Variants in PBK observed in about 807,000 individuals in gnomAD.
The protein encoded by PBK is lymphokine-activated killer T-cell-originated protein kinase.
In PBK, 22 loss-of-function variants were observed where a neutral mutation model predicts 33.5. That is an observed-to-expected ratio of 0.66 (90% CI 0.47 to 0.94). PBK has a LOEUF of 0.94. Ranked by LOEUF, PBK falls within the 40% of genes least tolerant of loss-of-function variation. The probability of loss-of-function intolerance (pLI) is 0.00; values close to 1 mark genes in which losing one functional copy is unlikely to be tolerated. For synonymous variants in PBK, 129 were observed against 123.8 expected (o/e 1.04, Z -0.28); for missense variants, 376 against 383.4 (o/e 0.98, Z 0.16).
At chr8:27,833,717 A>C (rs1047277320) in intron 1 of PBK, among the ~76,000 whole-genome samples, 2 of 151,852 alleles carry the variant, frequency 1.3e-5, no homozygotes, top group African/African-American at 4.8e-5. Context: ...TTAGCTAAAA[A>C]AAAAATCACC....
At chr8:27,810,621 C>G in intron 7 of PBK, 120 bp from the exon 8 acceptor site, 1 of 629,774 alleles carries the variant, frequency 1.6e-6, no homozygotes, top group Non-Finnish European at 2.8e-6. Context: ...CATTCTGCCA[C>G]AGACAGAATG....
At chr8:27,814,991 G>T (rs1016131606) in intron 6 of PBK, among the ~76,000 whole-genome samples, 5 of 152,144 alleles carry the variant, frequency 3.3e-5, no homozygotes, top group African/African-American at 9.7e-5. Flanking sequence ...AAAATTTTCA[G>T]TATTTGATTA....
intron 2 of PBK, among the ~76,000 whole-genome samples, chr8:27,828,565 A>G (rs1024996160): frequency 3.3e-5 from 5 of 151,996 alleles, no homozygotes; most frequent in African/African-American, 1.2e-4. Flanking sequence ...AGTAGAGACC[A>G]GCTTGGGCAA....
chr8:27,835,791 C>T (rs1806216622), intron 1 of PBK, among the ~76,000 whole-genome samples: 1 of 152,204 alleles, frequency 6.6e-6, no homozygotes, highest in African/African-American at 2.4e-5. Context: ...TTAGGTGATC[C>T]ACCCGCCTTG....
Position 27,811,058 on chromosome 8 carries a change from A to G in PBK, c.672T>C (p.Ile224=). 6.2e-7 allele frequency: 1 copy of G among 1,612,922 alleles called. No individual in the cohort carries two copies. The highest frequency in any genetic ancestry group is 8.5e-7 in the Non-Finnish European group (1 of 1,178,856). The stretch of plus-strand genomic sequence containing the variant: ...AGGCAAATATGTCTGCCTTGTCAGT[A>G]ATAACACCATTCTCCTCCACAGCTT... ...PKEAVEENGV[I]TDKADIFAFG... The change falls in exon 7 of 8, where the codon ATT becomes ATC. Residue 224 remains isoleucine, a synonymous_variant. Coordinates refer to ENST00000301905, the MANE Select transcript of PBK (RefSeq NM_018492.4).
intron 2 of PBK, among the ~76,000 whole-genome samples, chr8:27,830,439 A>C (rs1193792491): frequency 4.6e-5 from 7 of 152,186 alleles, no homozygotes; most frequent in Admixed American, 2.0e-4. Context: ...AAATGAAGCA[A>C]AGAGAGAAAA....
intron 3 of PBK, 93 bp downstream of exon 3, chr8:27,828,012 T>C (rs1806058489): frequency 4.5e-6 from 3 of 671,996 alleles, no homozygotes; most frequent in Non-Finnish European, 5.4e-6. Context: ...CAACCGAATC[T>C]AAATACTGGA....
chr8:27,821,323 C>T (rs956632518), intron 5 of PBK, among the ~76,000 whole-genome samples: 22 of 152,122 alleles, frequency 1.4e-4, no homozygotes, highest in Admixed American at 7.9e-4. Flanking sequence ...AGTGCAGTGG[C>T]GCGATCTTGG....
intron 6 of PBK, among the ~76,000 whole-genome samples, chr8:27,815,820 A>G (rs1805799416): frequency 6.6e-6 from 1 of 152,218 alleles, no homozygotes; most frequent in Non-Finnish European, 1.5e-5. Flanking sequence ...ATAGTATTTA[A>G]ACATAATGGA....
chr8:27,812,769 G>T lies in PBK; in HGVS notation c.596-1635C>A, dbSNP rs201311735. On this transcript the variant is annotated intron_variant, in intron 6 of 7. Transcript: ENST00000301905. ...GAAATGCAAATCAAAACCACAATGAGATACCATCTCATGCCAGTTAGAATG... is the reference window on the plus strand; with the variant it reads ...GAAATGCAAATCAAAACCACAATGATATACCATCTCATGCCAGTTAGAATG... 9 of 152,248 alleles carry T rather than the reference G, an allele frequency of 5.9e-5. No homozygotes were observed. In the East Asian group the frequency reaches 1.7e-3, roughly 29 times the overall value. 9.4% of individuals were successfully genotyped at this position (152,248 alleles called of 1,614,324 possible).
At chr8:27,811,875 G>T (rs4732759) in intron 6 of PBK, 2 of 151,932 alleles carry the variant, frequency 1.3e-5, no homozygotes, top group African/African-American at 4.8e-5. Flanking sequence ...TATTTATTCC[G>T]AAATATTTTG....
At position 27,823,079 on chromosome 8, in the gene PBK, A is replaced by T; in HGVS notation, c.279T>A (p.His93Gln). Residue 93 changes from histidine to glutamine, a missense_variant, in exon 4 of 8, where the codon CAT becomes CAA. By Grantham distance (24) the His-to-Gln change is conservative. Transcript: ENST00000301905. ...TAAACGTACCAACAATGTTTGGATG[A>T]TGAAGGCTTTTCAAAATCTTAGCTT... The part of the protein sequence containing the change: ...MDEAKILKSL[H>Q]HPNIVGYRAF... 2 of 1,595,682 alleles carry T rather than the reference A, an allele frequency of 1.3e-6. No individual in the cohort carries two copies. The highest frequency in any genetic ancestry group is 1.7e-6 in the Non-Finnish European group (2 of 1,166,956).
intron 1 of PBK, among the ~76,000 whole-genome samples, chr8:27,837,414 G>A (rs990746195): frequency 6.6e-6 from 1 of 152,166 alleles, no homozygotes; most frequent in Non-Finnish European, 1.5e-5. Flanking sequence ...AACTCCAAGG[G>A]GAAGCAAAGA....
At chr8:27,812,835 G>T (rs1805720097) in intron 6 of PBK, among the ~76,000 whole-genome samples, 1 of 152,144 alleles carries the variant, frequency 6.6e-6, no homozygotes, top group African/African-American at 2.4e-5. Flanking sequence ...TGCTGGAGAG[G>T]ATGTGGAGAA....
chr8:27,812,795 G>GCAAT (rs1175775970), intron 6 of PBK, among the ~76,000 whole-genome samples: 1 of 152,134 alleles, frequency 6.6e-6, no homozygotes, highest in Non-Finnish European at 1.5e-5. Flanking sequence ...AGTTAGAATG[G>GCAAT]CAATCATTAA....
At chr8:27,834,232 T>C (rs113315478) in intron 1 of PBK, among the ~76,000 whole-genome samples, 2,679 of 152,218 alleles carry the variant, frequency 0.018, 64 homozygotes, top group African/African-American at 0.054. Context: ...TTCACCATAT[T>C]GGCCAGGCTG....
chr8:27,829,026 G>C (rs1806079383), intron 2 of PBK, among the ~76,000 whole-genome samples: 1 of 152,124 alleles, frequency 6.6e-6, no homozygotes, highest in African/African-American at 2.4e-5. Flanking sequence ...ACATAATCCA[G>C]AAGTCCTGTC....
rs1361241029 is a variant in PBK, at chr8:27,828,154, T to C, written c.103A>G (p.Met35Val). Residue 35 changes from methionine to valine, a missense_variant, in exon 3 of 8, where the codon ATG becomes GTG. Physicochemically the swap from Met to Val is conservative, Grantham distance 21. Transcript: ENST00000301905. The stretch of plus-strand genomic sequence containing the variant: ...CCAGTACCAAAGCCAAGCTTCTGCA[T>C]AAACGGAGAGGCCGGGATATTTATA... ...PTINIPASPF[M>V]QKLGFGTGVN... The C allele has an allele frequency of 2.5e-6, 4 of 1,588,686 alleles. No individual in the cohort carries two copies. The highest frequency in any genetic ancestry group is 1.3e-5 in the African/African-American group (1 of 74,440).
chr8:27,831,203 A>G, intron 2 of PBK, among the ~76,000 whole-genome samples: 1 of 152,072 alleles, frequency 6.6e-6, no homozygotes, highest in East Asian at 1.9e-4. Context: ...AAATACAAAA[A>G]TTAGCCGGCC....
Sources: gnomAD v4.1 joint callset for allele counts (sites outside exome capture counted in the v4.1 genomes callset) on GRCh38, gnomAD v4.1.1 for gene constraint, MANE v1.5 for transcripts, NCBI Gene and HGNC (gene_info 2026-07-23, HGNC 2026-07-21) for gene names.